The following DOCK2 variants were observed in gnomAD, a reference collection of about 807,000 sequenced individuals.
DOCK2 encodes dedicator of cytokinesis 2, also known as dedicator of cytokinesis protein 2.
DOCK2 carries 87 observed loss-of-function variants against 248.9 expected under a neutral mutation model. The ratio of observed to expected loss-of-function variants is 0.35; its 90% CI spans 0.29 to 0.42. The LOEUF (loss-of-function observed/expected upper bound fraction) is 0.42, where lower values mean the gene tolerates loss of function less well. Among genes scored for constraint, DOCK2 ranks in the 10% least tolerant of loss-of-function variants. The pLI, the probability that DOCK2 is intolerant of heterozygous loss-of-function variation, is 1.00. For synonymous variants in DOCK2, 805 were observed against 821.6 expected (o/e 0.98, Z 0.35); for missense variants, 1,747 against 2,300.2 (o/e 0.76, Z 4.92).
At chr5:170,077,170 C>T (rs564671323) in intron 47 of DOCK2, among the ~76,000 whole-genome samples, 99 of 152,190 alleles carry the variant, frequency 6.5e-4, no homozygotes, top group Non-Finnish European at 1.2e-3. Context: ...ATTCCAGATG[C>T]ATCCCCCTTC....
At chr5:169,671,004 C>A in intron 4 of DOCK2, 74 bp from the exon 5 acceptor site, 2 of 1,340,180 alleles carry the variant, frequency 1.5e-6, no homozygotes, top group East Asian at 2.4e-5. Flanking sequence ...CAGCTTAATG[C>A]AAATTTGTTG....
rs557223717 is a variant in DOCK2, at chr5:169,807,437, CT to C, written c.2703+4240del. Among the ~76,000 whole-genome samples the C allele has an allele frequency of 2.4e-4, 37 of 151,586 alleles. No individual in the cohort carries two copies. The South Asian group carries it at 6.1e-3, about 25-fold the overall frequency. ...AAACCATTGCTCTAATATGACCTGT[CT>C]TTTTTTTTCCTTTAGTATTCACTGG... is the stretch of plus-strand genomic sequence containing the variant. On this transcript the variant is annotated intron_variant, in intron 26 of 51. Coordinates refer to ENST00000520908, the MANE Select transcript of DOCK2 (RefSeq NM_004946.3).
chr5:169,919,470 C>T (rs1775056075), intron 27 of DOCK2, among the ~76,000 whole-genome samples: 1 of 152,136 alleles, frequency 6.6e-6, no homozygotes, highest in Admixed American at 6.5e-5. Flanking sequence ...ATTAATTGAC[C>T]CCAGGCTGGC....
At chr5:170,057,029 C>T (rs10043114) in intron 43 of DOCK2, 94,957 of 463,456 alleles carry the variant, frequency 0.2, 10,648 homozygotes, top group African/African-American at 0.28. Flanking sequence ...TCAGGCATTG[C>T]CAGCACGTAG....
intron 26 of DOCK2, among the ~76,000 whole-genome samples, chr5:169,822,136 C>G (rs1768492968): frequency 6.6e-6 from 1 of 152,198 alleles, no homozygotes; most frequent in Non-Finnish European, 1.5e-5. Flanking sequence ...TAGAGACCTA[C>G]AAAGAGACTT....
At chr5:169,869,927 G>A (rs1771845744) in intron 27 of DOCK2, among the ~76,000 whole-genome samples, 2 of 152,174 alleles carry the variant, frequency 1.3e-5, no homozygotes, top group African/African-American at 4.8e-5. Context: ...TCGTAAGAAG[G>A]AAGATAGGTG....
chr5:169,804,913 G>A (rs1238359545), intron 26 of DOCK2, among the ~76,000 whole-genome samples: 2 of 152,186 alleles, frequency 1.3e-5, no homozygotes, highest in Non-Finnish European at 2.9e-5. Flanking sequence ...TTCAGATGAT[G>A]ATGTTAGGGT....
chr5:169,643,638 G>A (rs927130995), intron 1 of DOCK2, among the ~76,000 whole-genome samples: 3 of 152,144 alleles, frequency 2.0e-5, no homozygotes, highest in Non-Finnish European at 4.4e-5. Context: ...TCTGCAGCCC[G>A]GTTCCTAACA....
chr5:169,814,525 G>A (rs1767950761), intron 26 of DOCK2, among the ~76,000 whole-genome samples: 1 of 152,196 alleles, frequency 6.6e-6, no homozygotes, highest in South Asian at 2.1e-4. Flanking sequence ...AAAGGTTACA[G>A]TGTAGTTAAT....
chr5:169,784,005 G>T (rs1439771693), intron 25 of DOCK2, among the ~76,000 whole-genome samples: 3 of 152,220 alleles, frequency 2.0e-5, no homozygotes, highest in African/African-American at 7.2e-5. Context: ...GTGATGAGGT[G>T]ATTTGTAAGG....
At chr5:169,695,369 C>T (rs56302782) in intron 9 of DOCK2, 7,035 of 173,050 alleles carry the variant, frequency 0.041, 139 homozygotes, top group Middle Eastern at 0.051. Flanking sequence ...GAAATGGTAG[C>T]TGTTATGATT....
intron 26 of DOCK2, among the ~76,000 whole-genome samples, chr5:169,804,387 A>G (rs1045334884): frequency 6.6e-6 from 1 of 151,940 alleles, no homozygotes; most frequent in Non-Finnish European, 1.5e-5. Context: ...CCTATCCCCA[A>G]TATATAACGA....
intron 27 of DOCK2, among the ~76,000 whole-genome samples, chr5:169,865,985 G>A (rs548733570): frequency 7.9e-5 from 12 of 152,320 alleles, no homozygotes; most frequent in African/African-American, 2.4e-4. Context: ...AGAGTGCCTC[G>A]TCCCTGAGCA....
intron 26 of DOCK2, among the ~76,000 whole-genome samples, chr5:169,839,165 C>T (rs1026111881): frequency 6.6e-6 from 1 of 152,146 alleles, no homozygotes; most frequent in African/African-American, 2.4e-5. Context: ...AGGCTGTTCC[C>T]AAACCCCCAT....
chr5:169,915,771 A>G (rs1774842949), intron 27 of DOCK2, among the ~76,000 whole-genome samples: 2 of 152,308 alleles, frequency 1.3e-5, no homozygotes, highest in Non-Finnish European at 2.9e-5. Flanking sequence ...TGTTTTACTG[A>G]AGAGTCTACA....
At chr5:169,994,257 G>C (rs563153677) in intron 29 of DOCK2, among the ~76,000 whole-genome samples, 6 of 152,176 alleles carry the variant, frequency 3.9e-5, no homozygotes, top group Non-Finnish European at 1.5e-5. Flanking sequence ...TGTGGACTGG[G>C]GAGTATGTGA....
At chr5:170,061,885 C>T (rs1757338974) in intron 44 of DOCK2, among the ~76,000 whole-genome samples, 1 of 152,156 alleles carries the variant, frequency 6.6e-6, no homozygotes. Context: ...ACACCTTGGC[C>T]CCTCAGAGCC....
intron 4 of DOCK2, 80 bp downstream of exon 4, chr5:169,670,677 T>C (rs1221470688): frequency 6.5e-7 from 1 of 1,540,674 alleles, no homozygotes; most frequent in East Asian, 2.3e-5. Flanking sequence ...AAATCTGACT[T>C]GGAAGAGCTG....
At chr5:169,672,440 A>G (rs543257662) in intron 5 of DOCK2, among the ~76,000 whole-genome samples, 6 of 152,328 alleles carry the variant, frequency 3.9e-5, no homozygotes, top group African/African-American at 1.4e-4. Flanking sequence ...CTTCGGTATC[A>G]CATTCCTGAT....
Sources: allele counts gnomAD v4.1 joint callset (sites outside exome capture counted in the v4.1 genomes callset), GRCh38; gene constraint gnomAD v4.1.1; transcripts MANE v1.5; gene names NCBI Gene and HGNC (gene_info 2026-07-23, HGNC 2026-07-21).